The following KIF15 variants were observed in gnomAD, a reference collection of about 807,000 sequenced individuals.
KIF15 encodes the protein kinesin-like protein KIF15.
KIF15 carries 140 observed loss-of-function variants against 190.6 expected under a neutral mutation model. That is an observed-to-expected ratio of 0.73 (90% confidence interval 0.64 to 0.84). The LOEUF (loss-of-function observed/expected upper bound fraction) is 0.84. Ranked by LOEUF, KIF15 falls within the 40% of genes least tolerant of loss-of-function variation. The pLI, the probability that KIF15 is intolerant of heterozygous loss-of-function variation, is 0.00. For missense variants in KIF15, 1,372 were observed against 1,584.4 expected, an observed-to-expected ratio of 0.87 and a Z score of 2.28; for synonymous variants, 528 against 551.3, an observed-to-expected ratio of 0.96 and a Z score of 0.59.
At chr3:44,814,803 T>C in intron 19 of KIF15, 108 bp from the exon 20 acceptor site, 1 of 814,164 alleles carries the variant, frequency 1.2e-6, no homozygotes, top group Non-Finnish European at 1.8e-6. Context: ...CATTTTTCCT[T>C]AAAATAGTCT....
downstream of KIF15, among the ~76,000 whole-genome samples, chr3:44,855,749 GA>G (rs1446814081): frequency 6.6e-6 from 1 of 152,096 alleles, no homozygotes; most frequent in Non-Finnish European, 1.5e-5. Context: ...GGTTTTGTAT[GA>G]ATTGAGAAAC....
At chr3:44,842,787 T>A (rs1698667681) in intron 29 of KIF15, among the ~76,000 whole-genome samples, 1 of 152,238 alleles carries the variant, frequency 6.6e-6, no homozygotes. Flanking sequence ...TTTTTTGTTT[T>A]AATTAGAATC....
intron 17 of KIF15, among the ~76,000 whole-genome samples, chr3:44,811,800 G>A (rs1400373452): frequency 1.3e-5 from 2 of 152,148 alleles, no homozygotes; most frequent in Non-Finnish European, 2.9e-5. Context: ...GTTGGAGTGG[G>A]CCAGACCACC....
chr3:44,848,938 C>T (rs140437458), intron 32 of KIF15, among the ~76,000 whole-genome samples: 1,605 of 152,264 alleles, frequency 0.011, 19 homozygotes, highest in Middle Eastern at 0.027. Context: ...TCTGGTCTAG[C>T]CCTTGGGTCT....
At chr3:44,800,880 TC>T (rs1707234487) in intron 11 of KIF15, among the ~76,000 whole-genome samples, 1 of 151,800 alleles carries the variant, frequency 6.6e-6, no homozygotes. Context: ...AAAATCTACT[TC>T]TACTTCTGTT....
At position 44,786,504 on chromosome 3, in the gene KIF15, A is replaced by G; in HGVS notation, c.569A>G (p.His190Arg). The G allele has an allele frequency of 6.2e-7, 1 of 1,613,774 alleles. No individual in the cohort carries two copies. The highest frequency in any genetic ancestry group is 1.1e-5 in the South Asian group (1 of 91,034). The stretch of plus-strand genomic sequence containing the variant: ...TCGGCTGGACTGTACTTAAGGGAGC[A>G]TATCAAGAAGGGAGTCTTTGTTGTT... Reference protein sequence around the residue: ...SASAGLYLREHIKKGVFVVGA... With the variant: ...SASAGLYLRERIKKGVFVVGA... The change falls in exon 7 of 35, where the codon CAT becomes CGT. Residue 190 changes from histidine (H) to arginine (R), a missense_variant. His to Arg is a conservative substitution (Grantham distance 29). Coordinates refer to ENST00000326047, the MANE Select transcript of KIF15 (RefSeq NM_020242.3).
chr3:44,827,444 A>G lies in KIF15; in HGVS notation c.2787-15A>G, dbSNP rs1697728313. On this transcript the variant is annotated splice_polypyrimidine_tract_variant and intron_variant, in intron 22 of 34. Coordinates refer to ENST00000326047, the MANE Select transcript of KIF15 (RefSeq NM_020242.3). ...TGAGTGAAGTCAGGGGTAAAAGATA[A>G]TTATTCTCTTCCAGAGAAATCTTAA... 3.8e-6 allele frequency: 6 copies of G among 1,584,984 alleles called. No homozygotes were observed. Among genetic ancestry groups the G allele is most frequent in the East Asian group, 2.2e-5 (1 of 44,654 alleles).
chr3:44,866,294 G>T (rs1433403356), intron 6 of KIF15, among the ~76,000 whole-genome samples: 1 of 151,916 alleles, frequency 6.6e-6, no homozygotes, highest in African/African-American at 2.4e-5. Flanking sequence ...GGATAGTCTC[G>T]ATCTCCTGAC....
chr3:44,845,521 A>G (rs1372353686), intron 30 of KIF15, among the ~76,000 whole-genome samples: 1 of 152,122 alleles, frequency 6.6e-6, no homozygotes, highest in African/African-American at 2.4e-5. Context: ...GCACCTAAAA[A>G]AAAAAGAAAG....
At chr3:44,767,894 CAAAA>C (rs1181321859) in intron 1 of KIF15, among the ~76,000 whole-genome samples, 1 of 37,140 alleles carries the variant, frequency 2.7e-5, no homozygotes, top group African/African-American at 1.0e-4. Flanking sequence ...GACTCCATCT[CAAAA>C]AAAAAAAAAA....
chr3:44,835,440 C>T (rs925196553), intron 26 of KIF15, among the ~76,000 whole-genome samples: 2 of 152,014 alleles, frequency 1.3e-5, no homozygotes, highest in South Asian at 2.1e-4. Flanking sequence ...TGAGGTTTCA[C>T]TATGATGCCC....
At chr3:44,792,850 G>A (rs1706785197) in intron 7 of KIF15, among the ~76,000 whole-genome samples, 1 of 152,142 alleles carries the variant, frequency 6.6e-6, no homozygotes. Context: ...CCTGCCAACA[G>A]CTATGATTTA....
chr3:44,802,379 C>T (rs957785052), intron 13 of KIF15, among the ~76,000 whole-genome samples: 1 of 152,210 alleles, frequency 6.6e-6, no homozygotes, highest in Non-Finnish European at 1.5e-5. Flanking sequence ...GTTTATCTCT[C>T]TGGAGTTTTT....
rs767208591 is a variant in KIF15 at position 44,761,827 on chromosome 3, C to G, written c.-39C>G. ...GCGGTGCAGTCGGGAGGTGGAGGCA[C>G]CGGCTGCATTGTTTTCGGGATCGAG... On this transcript the variant is annotated 5_prime_UTR_variant, in exon 1 of 35. Coordinates refer to ENST00000326047, the MANE Select transcript of KIF15 (RefSeq NM_020242.3). 1.2e-6 allele frequency: 2 copies of G among 1,614,124 alleles called. No individual in the cohort carries two copies. The highest frequency in any genetic ancestry group is 1.7e-5 in the Admixed American group (1 of 60,020).
chr3:44,805,932 C>T lies in KIF15; in HGVS notation c.1917C>T (p.Ala639=). ...NLENLLEATK[A]CKRQEVSQLN... is the part of the protein sequence containing the mutation. ...AAAACCTTTTGGAAGCAACAAAAGC[C>T]TGCAAGCGGCAAGAAGTTTCTCAGC... is the stretch of plus-strand genomic sequence containing the variant. Residue 639 remains alanine (A), a synonymous_variant, in exon 16 of 35, where the codon GCC becomes GCT. Coordinates refer to ENST00000326047, the MANE Select transcript of KIF15 (RefSeq NM_020242.3). 3 of 1,614,158 alleles carry T rather than the reference C, an allele frequency of 1.9e-6. No homozygotes were observed. Among genetic ancestry groups the T allele is most frequent in the Non-Finnish European group, 2.5e-6 (3 of 1,180,006 alleles).
intron 23 of KIF15, 63 bp downstream of exon 23, chr3:44,827,591 A>G: frequency 1.0e-6 from 1 of 986,664 alleles, no homozygotes; most frequent in Non-Finnish European, 1.6e-6. Flanking sequence ...CTGATACCTA[A>G]AAGGCTTATT....
rs1707068304 is a variant in KIF15 at position 44,797,864 on chromosome 3, A to G, written c.1006A>G (p.Ile336Val). 1.9e-6 allele frequency: 3 copies of G among 1,613,758 alleles called. No individual in the cohort carries two copies. Among genetic ancestry groups the G allele is most frequent in the South Asian group, 2.2e-5 (2 of 91,038 alleles). ...DSLGGNAKTA[I>V]IANVHPGSRC... ...CCTTGGAGGTAATGCCAAAACAGCCATAATTGCAAATGTTCATCCTGGATC... is the reference window on the plus strand; with the variant it reads ...CCTTGGAGGTAATGCCAAAACAGCCGTAATTGCAAATGTTCATCCTGGATC... The change falls in exon 10 of 35, where the codon ATA (isoleucine) becomes GTA (valine). Residue 336 changes from isoleucine to valine, a missense_variant. Coordinates refer to ENST00000326047, the MANE Select transcript of KIF15 (RefSeq NM_020242.3).
intron 7 of KIF15, among the ~76,000 whole-genome samples, chr3:44,791,205 C>T (rs776765542): frequency 5.9e-5 from 9 of 151,910 alleles, no homozygotes; most frequent in Non-Finnish European, 1.2e-4. Flanking sequence ...CAGTATGCAG[C>T]ATGATTTATT....
chr3:44,865,981 T>C (rs1575703921), intron 6 of KIF15, among the ~76,000 whole-genome samples: 7 of 152,296 alleles, frequency 4.6e-5, no homozygotes, highest in Admixed American at 6.5e-5. Context: ...TGCCACTCTG[T>C]TCCTCTAGCG....
Sources: allele counts gnomAD v4.1 joint callset (sites outside exome capture counted in the v4.1 genomes callset), GRCh38; gene constraint gnomAD v4.1.1; transcripts MANE v1.5; gene names NCBI Gene and HGNC (gene_info 2026-07-23, HGNC 2026-07-21).